SLC26A8: variants seen among roughly 807,000 people sequenced by gnomAD.
SLC26A8 encodes the protein testis anion transporter 1.
SLC26A8 carries 70 observed loss-of-function variants against 105.0 expected under a neutral mutation model. The observed-to-expected ratio is 0.67, with a 90% CI of 0.55 to 0.81. The LOEUF is 0.81. Ranked by LOEUF, SLC26A8 falls within the 40% of genes least tolerant of loss-of-function variation. The probability of loss-of-function intolerance (pLI) is 0.00; values close to 1 mark genes in which losing one functional copy is unlikely to be tolerated. For synonymous variants in SLC26A8, 415 were observed against 438.3 expected (o/e 0.95, Z 0.66); for missense variants, 998 against 1,181.8 (o/e 0.84, Z 2.28).
chr6:36,019,493 A>C (rs200395664), intron 2 of SLC26A8, 27 bp downstream of exon 2: 486 of 1,603,950 alleles, frequency 3.0e-4, no homozygotes, highest in Non-Finnish European at 4.0e-4. Flanking sequence ...CCGGCTCGGC[A>C]GCAGGTGAAA....
At chr6:35,957,061 A>G (rs959166930) in intron 16 of SLC26A8, among the ~76,000 whole-genome samples, 3 of 152,066 alleles carry the variant, frequency 2.0e-5, no homozygotes, top group African/African-American at 7.2e-5. Flanking sequence ...CGTCTCTACT[A>G]AAAATACAAA....
At chr6:35,994,624 G>A (rs941099564) in intron 5 of SLC26A8, among the ~76,000 whole-genome samples, 1 of 144,738 alleles carries the variant, frequency 6.9e-6, no homozygotes, top group Non-Finnish European at 1.5e-5. Flanking sequence ...CACCCAGGCT[G>A]GAGTGCAGTG....
intron 11 of SLC26A8, among the ~76,000 whole-genome samples, chr6:35,963,674 C>G (rs1175558566): frequency 2.6e-5 from 4 of 152,200 alleles, no homozygotes; most frequent in Non-Finnish European, 5.9e-5. Flanking sequence ...GTGTGTGGAA[C>G]AAGACCCATG....
intron 10 of SLC26A8, among the ~76,000 whole-genome samples, chr6:35,972,897 T>C (rs1772851835): frequency 6.6e-6 from 1 of 152,196 alleles, no homozygotes; most frequent in African/African-American, 2.4e-5. Flanking sequence ...CCAGTCTTCC[T>C]CCAGTCTGCA....
At chr6:36,002,339 T>A (rs1761547478) in intron 3 of SLC26A8, among the ~76,000 whole-genome samples, 1 of 152,168 alleles carries the variant, frequency 6.6e-6, no homozygotes, top group African/African-American at 2.4e-5. Context: ...CTATGAATAT[T>A]CTTGTACATG....
chr6:36,004,249 G>T (rs1319500148), intron 3 of SLC26A8, among the ~76,000 whole-genome samples: 1 of 151,130 alleles, frequency 6.6e-6, no homozygotes, highest in Non-Finnish European at 1.5e-5. Flanking sequence ...TAGATTTTTT[G>T]TAGTTTTCAT....
intron 1 of SLC26A8, among the ~76,000 whole-genome samples, chr6:36,020,975 C>T (rs1367567265): frequency 6.6e-6 from 1 of 152,170 alleles, no homozygotes; most frequent in Non-Finnish European, 1.5e-5. Context: ...TTATCCTATG[C>T]CATGCATTGC....
intron 5 of SLC26A8, among the ~76,000 whole-genome samples, chr6:35,993,190 G>C (rs202177260): frequency 1.5e-4 from 7 of 45,448 alleles, no homozygotes; most frequent in Admixed American, 1.4e-3. Context: ...AGAGATTGGA[G>C]GGGGGGGTCT....
chr6:35,994,266 C>G (rs12664488), intron 5 of SLC26A8, among the ~76,000 whole-genome samples: 1 of 151,664 alleles, frequency 6.6e-6, no homozygotes, highest in Non-Finnish European at 1.5e-5. Flanking sequence ...AGGCGCCCGC[C>G]ACCAAGCCCG....
At chr6:35,968,625 A>T (rs867485709) in intron 11 of SLC26A8, among the ~76,000 whole-genome samples, 1 of 96,602 alleles carries the variant, frequency 1.0e-5, no homozygotes, top group Non-Finnish European at 2.1e-5. Flanking sequence ...ATATATATAT[A>T]TATATATATA....
At chr6:35,984,325 T>A (rs1397936438) in intron 7 of SLC26A8, among the ~76,000 whole-genome samples, 31 of 140,312 alleles carry the variant, frequency 2.2e-4, no homozygotes, top group African/African-American at 8.6e-4. Context: ...TCTTATTTTT[T>A]TTTTTTTTTT....
Position 35,989,927 on chromosome 6 carries a change from C to CTTTTTTTTTTTTTT in SLC26A8, c.942+1718_942+1731dup, listed in dbSNP as rs869306115. The CTTTTTTTTTTTTTT allele has an allele frequency of 8.3e-5, 7 of 84,570 alleles. 2 individuals are homozygous for CTTTTTTTTTTTTTT. The highest frequency in any genetic ancestry group is 2.1e-4 in the African/African-American group (4 of 19,478). The allele number at this position is 84,570 out of a possible 1,614,324, so 5.2% of individuals were successfully genotyped here. On this transcript the variant is annotated intron_variant, in intron 7 of 19. Coordinates refer to ENST00000490799, the MANE Select transcript of SLC26A8 (RefSeq NM_052961.4). ...TTTGTTTGTTTGTTTGTTTTCTTTTCTTTTTTTTTTTTTTTTTTTTTTTTT... is the reference window on the plus strand; with the variant it reads ...TTTGTTTGTTTGTTTGTTTTCTTTTCTTTTTTTTTTTTTTTTTTTTTTTTTTTTTTTTTTTTTTT...
In SLC26A8 at chr6:35,947,302, A is replaced by G. The variant is rs947143967; in HGVS notation, c.2473-2962T>C. Among the ~76,000 whole-genome samples the G allele has an allele frequency of 1.5e-4, 23 of 152,096 alleles. No individual in the cohort carries two copies. In the Middle Eastern group the frequency reaches 9.5e-3, roughly 63 times the overall value. On this transcript the variant is annotated intron_variant, in intron 19 of 19. Coordinates refer to ENST00000490799, the MANE Select transcript of SLC26A8 (RefSeq NM_052961.4). ...TTCCTTGGCCTCCCGAAGTGCTAGGATTGCAGGCATGAGCCACCACACTTG... is the reference window on the plus strand; with the variant it reads ...TTCCTTGGCCTCCCGAAGTGCTAGGGTTGCAGGCATGAGCCACCACACTTG...
At chr6:35,982,322 T>C in intron 7 of SLC26A8, 119 bp from the exon 8 acceptor site, 1 of 864,384 alleles carries the variant, frequency 1.2e-6, no homozygotes, top group Non-Finnish European at 1.9e-6. Flanking sequence ...CAGGCAGCAG[T>C]CCCTATGCAT....
chr6:36,003,766 A>C (rs1170209654), intron 3 of SLC26A8, among the ~76,000 whole-genome samples: 2 of 150,196 alleles, frequency 1.3e-5, no homozygotes, highest in East Asian at 3.9e-4. Context: ...GGTTCACGCC[A>C]TTCTCCTGCC....
At chr6:36,011,595 T>C (rs1562071410) in intron 3 of SLC26A8, among the ~76,000 whole-genome samples, 1 of 152,152 alleles carries the variant, frequency 6.6e-6, no homozygotes, top group Non-Finnish European at 1.5e-5. Context: ...GCATGCTATG[T>C]TTCCTATCCT....
intron 9 of SLC26A8, among the ~76,000 whole-genome samples, chr6:35,976,240 G>A (rs541281741): frequency 2.0e-5 from 3 of 151,826 alleles, no homozygotes; most frequent in African/African-American, 7.2e-5. Context: ...TCTGGCCAAC[G>A]TGGTGAAACC....
intron 19 of SLC26A8, among the ~76,000 whole-genome samples, chr6:35,949,197 G>C (rs774242951): frequency 6.6e-5 from 10 of 152,144 alleles, no homozygotes; most frequent in African/African-American, 9.7e-5. Flanking sequence ...ACTTTGGGAG[G>C]CTGGGGCGGG....
intron 8 of SLC26A8, 145 bp from the exon 9 acceptor site, chr6:35,977,496 G>A (rs1009910801): frequency 5.8e-6 from 5 of 862,502 alleles, no homozygotes; most frequent in African/African-American, 1.8e-5. Flanking sequence ...TGAGGCAGCA[G>A]CCTGCCAAAA....
Sources: gnomAD v4.1 joint callset for allele counts (sites outside exome capture counted in the v4.1 genomes callset) on GRCh38, gnomAD v4.1.1 for gene constraint, MANE v1.5 for transcripts, NCBI Gene and HGNC (gene_info 2026-07-23, HGNC 2026-07-21) for gene names.